The following ABL1 variants were observed in gnomAD, a reference collection of about 807,000 sequenced individuals.
ABL1 encodes the protein tyrosine-protein kinase ABL1.
In ABL1, 11 loss-of-function variants were observed where a neutral mutation model predicts 94.7. The ratio of observed to expected loss-of-function variants is 0.12; its 90% CI spans 0.07 to 0.19. The LOEUF (loss-of-function observed/expected upper bound fraction) is 0.19. ABL1 is among the 10% of genes least tolerant of loss of function. The probability of loss-of-function intolerance (pLI) is 1.00; values close to 1 mark genes in which losing one functional copy is unlikely to be tolerated. For synonymous variants in ABL1, 656 were observed against 622.4 expected (o/e 1.05, Z -0.80); for missense variants, 1,082 against 1,489.4 (o/e 0.73, Z 4.50).
chr9:130,875,204 C>T, intron 7 of ABL1, 152 bp downstream of exon 7: 1 of 829,718 alleles, frequency 1.2e-6, no homozygotes, highest in Non-Finnish European at 1.8e-6. Flanking sequence ...TGCAGTGGTG[C>T]AATCTTGGCT....
chr9:130,876,790 G>A (rs1831352429), intron 7 of ABL1, among the ~76,000 whole-genome samples: 1 of 130,830 alleles, frequency 7.6e-6, no homozygotes, highest in South Asian at 2.4e-4. Flanking sequence ...AGGCTGGAGT[G>A]CAGTGGCATG....
upstream of ABL1, chr9:130,834,106 T>C (rs1263882966): frequency 8.8e-6 from 4 of 455,790 alleles, no homozygotes; most frequent in African/African-American, 6.0e-5. Flanking sequence ...TGAGCATCTG[T>C]GGGGTTTGTT....
At position 130,843,524 on chromosome 9, in the gene ABL1, G is replaced by C. The variant is rs1350139524; in HGVS notation, c.79+7999G>C. ...GGTTTGAACAAGGCCTGTCCACCCA[G>C]AGCCCATGCTTTTTGTACTGCTGGG... is the stretch of plus-strand genomic sequence containing the variant. On this transcript the variant is annotated intron_variant, in intron 1 of 10. Transcript: ENST00000318560. 2.0e-5 allele frequency among the ~76,000 whole-genome samples: 3 copies of C among 152,150 alleles called. 1 individual carries two copies. The highest frequency in any genetic ancestry group is 1.5e-5 in the Non-Finnish European group (1 of 68,026).
intron 4 of ABL1, among the ~76,000 whole-genome samples, chr9:130,865,372 C>T (rs930960023): frequency 6.6e-6 from 1 of 152,166 alleles, no homozygotes; most frequent in East Asian, 1.9e-4. Flanking sequence ...TCCTCCTGGC[C>T]GTGCGCAGAA....
chr9:130,844,173 T>A (rs954191894), intron 1 of ABL1, among the ~76,000 whole-genome samples: 6 of 152,018 alleles, frequency 3.9e-5, no homozygotes, highest in Admixed American at 1.3e-4. Context: ...AGCAAGAGAG[T>A]GACCTGGTCA....
Position 130,880,259 on chromosome 9 carries a change from C to G in ABL1, c.1513+102C>G, listed in dbSNP as rs1831428556. The G allele has an allele frequency of 1.5e-6, 2 of 1,310,390 alleles. No homozygotes were observed. Among genetic ancestry groups the G allele is most frequent in the Non-Finnish European group, 1.1e-6 (1 of 910,102 alleles). The allele number at this position is 1,310,390 out of a possible 1,614,324, so 81.2% of individuals were successfully genotyped here. ...TCACTTCCTGGTGAAAGTTCACAGACCAGCCTGTCCTGAGACCAGAAAGCT... is the reference window on the plus strand; with the variant it reads ...TCACTTCCTGGTGAAAGTTCACAGAGCAGCCTGTCCTGAGACCAGAAAGCT... On this transcript the variant is annotated intron_variant, in intron 9 of 10. Transcript: ENST00000318560. This position sits in a 1 kb window ranked among gnomAD's most constrained non-coding sequence, Gnocchi z 4.4.
intron 1 of ABL1, among the ~76,000 whole-genome samples, chr9:130,822,426 A>C: frequency 7.7e-6 from 1 of 130,182 alleles, no homozygotes; most frequent in Admixed American, 8.0e-5. Context: ...CTGCCTACCT[A>C]TCCCCGCCCC....
At chr9:130,738,929 C>A (rs1201011012) in intron 1 of ABL1, among the ~76,000 whole-genome samples, 1 of 152,180 alleles carries the variant, frequency 6.6e-6, no homozygotes, top group East Asian at 1.9e-4. Context: ...GTCGCCCAGG[C>A]TGGAGTGCAG....
chr9:130,882,943 G>C (rs894702599), intron 10 of ABL1, among the ~76,000 whole-genome samples: 1 of 151,602 alleles, frequency 6.6e-6, no homozygotes, highest in Non-Finnish European at 1.5e-5. Context: ...TTAGGAGGCC[G>C]AGGTCAGCGA....
intron 1 of ABL1, among the ~76,000 whole-genome samples, chr9:130,817,594 C>G (rs1325784076): frequency 1.3e-5 from 2 of 152,214 alleles, no homozygotes; most frequent in African/African-American, 4.8e-5. Flanking sequence ...GTAAATGACC[C>G]TGTCTCCTTT....
In ABL1 at chr9:130,885,873, C is replaced by T. The variant is rs766719938; in HGVS notation, c.*190C>T. 2.6e-5 allele frequency: 18 copies of T among 697,568 alleles called. No individual in the cohort carries two copies. Among genetic ancestry groups the T allele is most frequent in the African/African-American group, 1.1e-4 (6 of 55,536 alleles). 43.2% of individuals were successfully genotyped at this position (697,568 alleles called of 1,614,324 possible). A position where few individuals can be genotyped will look rare whatever the true frequency, so the allele number is the denominator to read the frequency against. On this transcript the variant is annotated 3_prime_UTR_variant, in exon 11 of 11. Transcript: ENST00000318560. ...CCTACGTTTGCACCGCCTGCCCTCCCGCACCTTCCTCCTCCCCGCTCCGTC... is the reference window on the plus strand; with the variant it reads ...CCTACGTTTGCACCGCCTGCCCTCCTGCACCTTCCTCCTCCCCGCTCCGTC...
intron 4 of ABL1, among the ~76,000 whole-genome samples, chr9:130,870,704 G>A (rs939723412): frequency 1.3e-5 from 2 of 152,124 alleles, no homozygotes; most frequent in African/African-American, 4.8e-5. Flanking sequence ...TTTCCCCCTC[G>A]GACAGCTTGG....
chr9:130,728,269 T>A (rs1348773951), intron 1 of ABL1, among the ~76,000 whole-genome samples: 2 of 130,544 alleles, frequency 1.5e-5, no homozygotes, highest in Non-Finnish European at 1.5e-5. Flanking sequence ...GGTTTCATCA[T>A]GTTACCCAGG....
chr9:130,772,223 A>G (rs1225775240), intron 1 of ABL1, among the ~76,000 whole-genome samples: 1 of 152,218 alleles, frequency 6.6e-6, no homozygotes, highest in African/African-American at 2.4e-5. Context: ...ACATCGGAAC[A>G]CTGGTCTGGT....
chr9:130,813,241 G>T (rs535957381), intron 1 of ABL1, among the ~76,000 whole-genome samples: 1 of 150,216 alleles, frequency 6.7e-6, no homozygotes, highest in African/African-American at 2.4e-5. Flanking sequence ...AAGCCTCAGT[G>T]AATGTAAGCT....
At chr9:130,724,871 C>A in intron 1 of ABL1, 1 of 450,674 alleles carries the variant, frequency 2.2e-6, no homozygotes, top group South Asian at 1.7e-5. Flanking sequence ...TTCGCCCAGT[C>A]CCTGTGGCCT....
At chr9:130,811,873 C>G (rs1485452032) in intron 1 of ABL1, among the ~76,000 whole-genome samples, 3 of 128,026 alleles carry the variant, frequency 2.3e-5, no homozygotes, top group Non-Finnish European at 4.6e-5. Context: ...GATAGTGCTA[C>G]TGCACTGTAG....
chr9:130,818,406 G>A (rs1166169962), intron 1 of ABL1, among the ~76,000 whole-genome samples: 1 of 152,120 alleles, frequency 6.6e-6, no homozygotes, highest in Non-Finnish European at 1.5e-5. Flanking sequence ...GGAGGAAGAG[G>A]TTGCAGTGAG....
Position 130,814,879 on chromosome 9 carries a change from AAAAAT to A in ABL1, c.137-39170_137-39166del, listed in dbSNP as rs553024171. ...GTGACAGAGCCAGACTCTGTCTCAA[AAAAAT>A]AAAATAAAATAAAAATAAAGTTTAG... is the stretch of plus-strand genomic sequence containing the variant. On this transcript the variant is annotated intron_variant, in intron 1 of 10. Transcript: ENST00000372348. This position sits in a 1 kb window ranked among gnomAD's most constrained non-coding sequence, Gnocchi z 4.4. 5.9e-5 allele frequency among the ~76,000 whole-genome samples: 9 copies of A among 152,238 alleles called. No homozygotes were observed. Among genetic ancestry groups the A allele is most frequent in the East Asian group, 3.9e-4 (2 of 5,178 alleles).
Sources: allele counts gnomAD v4.1 joint callset (sites outside exome capture counted in the v4.1 genomes callset), GRCh38; gene constraint gnomAD v4.1.1; non-coding constraint Gnocchi (gnomAD v3.1); transcripts MANE v1.5; gene names NCBI Gene and HGNC (gene_info 2026-07-23, HGNC 2026-07-21).